ARGLU1: variants seen among roughly 807,000 people sequenced by gnomAD.
ARGLU1 encodes arginine and glutamate rich 1.
Under a neutral mutation model 37.6 loss-of-function variants are expected in ARGLU1, and 9 were observed. The observed-to-expected ratio is 0.24, with a 90% confidence interval of 0.14 to 0.42. The LOEUF (loss-of-function observed/expected upper bound fraction) is 0.42, where lower values mean the gene tolerates loss of function less well. Ranked by LOEUF, ARGLU1 falls within the 10% of genes least tolerant of loss-of-function variation. The pLI, the probability that ARGLU1 is intolerant of heterozygous loss-of-function variation, is 1.00. For synonymous variants in ARGLU1, 166 were observed against 138.5 expected (o/e 1.20, Z -1.39); for missense variants, 211 against 359.2 (o/e 0.59, Z 3.34).
chr13:106,542,632 C>G lies in ARGLU1; in HGVS notation c.*1364G>C, dbSNP rs956707526. ...TTTTCAATTTTTAAGAATAATCAAACTGTCTAAAAAATATTGGGCAAAAAT... is the reference window on the plus strand; with the variant it reads ...TTTTCAATTTTTAAGAATAATCAAAGTGTCTAAAAAATATTGGGCAAAAAT... On this transcript the variant is annotated 3_prime_UTR_variant, in exon 4 of 4. Coordinates refer to ENST00000400198, the MANE Select transcript of ARGLU1 (RefSeq NM_018011.4). 4 of 152,030 alleles carry G rather than the reference C, an allele frequency of 2.6e-5. No homozygotes were observed. The highest frequency in any genetic ancestry group is 5.9e-5 in the Non-Finnish European group (4 of 67,954). 9.4% of individuals were successfully genotyped at this position (152,030 alleles called of 1,614,324 possible).
In ARGLU1 at chr13:106,542,701, T is replaced by C. The variant is rs1266147362; in HGVS notation, c.*1295A>G. The C allele has an allele frequency of 6.6e-6, 1 of 152,040 alleles. No homozygotes were observed. The highest frequency in any genetic ancestry group is 1.5e-5 in the Non-Finnish European group (1 of 67,956). The allele number at this position is 152,040 out of a possible 1,614,324, so 9.4% of individuals were successfully genotyped here. A position where few individuals can be genotyped will look rare whatever the true frequency, so the allele number is the denominator to read the frequency against. Reference sequence around the variant, plus strand: ...TGATGACATGTTTATGCATCTCAGGTAGCATTTTAGATCAATATCCTTTTC... The same window carrying C: ...TGATGACATGTTTATGCATCTCAGGCAGCATTTTAGATCAATATCCTTTTC... On this transcript the variant is annotated 3_prime_UTR_variant, in exon 4 of 4. Transcript: ENST00000400198.
chr13:106,566,682 T>G (rs1566476786), intron 1 of ARGLU1, among the ~76,000 whole-genome samples: 1 of 152,204 alleles, frequency 6.6e-6, no homozygotes, highest in South Asian at 2.1e-4. Flanking sequence ...CCAGAAATAC[T>G]TGAGAGCTGA....
intron 3 of ARGLU1, among the ~76,000 whole-genome samples, chr13:106,556,241 T>C (rs934483266): frequency 1.3e-5 from 2 of 152,242 alleles, no homozygotes. Context: ...GATTCCATTA[T>C]GGCCTTCACA....
chr13:106,566,847 G>A (rs950296602), intron 1 of ARGLU1, among the ~76,000 whole-genome samples: 17 of 152,000 alleles, frequency 1.1e-4, no homozygotes, highest in African/African-American at 3.1e-4. Context: ...TAGAAAGCAA[G>A]TTAAAAAAGC....
intron 3 of ARGLU1, among the ~76,000 whole-genome samples, chr13:106,553,212 T>C (rs774191030): frequency 2.8e-4 from 42 of 152,362 alleles, no homozygotes; most frequent in Non-Finnish European, 3.1e-4. Context: ...TTTTGGCTTA[T>C]TTTTCTGTCT....
chr13:106,560,452 C>T (rs1165412286), intron 1 of ARGLU1, among the ~76,000 whole-genome samples: 1 of 152,184 alleles, frequency 6.6e-6, no homozygotes, highest in Non-Finnish European at 1.5e-5. Flanking sequence ...AAATCCTGCA[C>T]ATTTCATACC....
In ARGLU1 at chr13:106,567,208, T is replaced by C. The variant is rs896386625; in HGVS notation, c.347+365A>G. On this transcript the variant is annotated intron_variant, in intron 1 of 3. Coordinates refer to ENST00000400198, the MANE Select transcript of ARGLU1 (RefSeq NM_018011.4). The surrounding 1 kb of genome is among the most constrained non-coding windows in gnomAD (Gnocchi z 4.3). Reference sequence around the variant, plus strand: ...CAGCAAACGCTCACCACCCTCCACATCTGCAGGCCGGCTCGCTCCCGGCCT... The same window carrying C: ...CAGCAAACGCTCACCACCCTCCACACCTGCAGGCCGGCTCGCTCCCGGCCT... 2.0e-5 allele frequency among the ~76,000 whole-genome samples: 3 copies of C among 151,992 alleles called. No homozygotes were observed. The highest frequency in any genetic ancestry group is 4.4e-5 in the Non-Finnish European group (3 of 68,002).
chr13:106,545,402 T>C (rs1480268447), intron 3 of ARGLU1, among the ~76,000 whole-genome samples: 4 of 152,226 alleles, frequency 2.6e-5, no homozygotes, highest in Non-Finnish European at 5.9e-5. Context: ...TCCATTATTC[T>C]ACTAAAATTT....
At chr13:106,551,261 T>TTA (rs1328455188) in intron 3 of ARGLU1, among the ~76,000 whole-genome samples, 1 of 152,200 alleles carries the variant, frequency 6.6e-6, no homozygotes, top group Non-Finnish European at 1.5e-5. Flanking sequence ...TCTTGCCACT[T>TTA]TACTATAAAC....
At chr13:106,545,180 A>AC (rs2138962342) in intron 3 of ARGLU1, among the ~76,000 whole-genome samples, 1 of 152,324 alleles carries the variant, frequency 6.6e-6, no homozygotes, top group Non-Finnish European at 1.5e-5. Context: ...ACAATGCTAC[A>AC]CATCCTATAA....
At chr13:106,548,955 G>A (rs868402450) in intron 3 of ARGLU1, among the ~76,000 whole-genome samples, 1 of 152,138 alleles carries the variant, frequency 6.6e-6, no homozygotes, top group Non-Finnish European at 1.5e-5. Context: ...GTTTCATCTT[G>A]TTAGCCAGGA....
chr13:106,548,779 G>T lies in ARGLU1; in HGVS notation c.658-4619C>A, dbSNP rs544150428. ...TTTATTTATTTTTAGACAGAGTCTT[G>T]CTCTTGTTGCCCAGGCTGGAGTGCA... On this transcript the variant is annotated intron_variant, in intron 3 of 3. Transcript: ENST00000400198. Among the ~76,000 whole-genome samples the T allele has an allele frequency of 7.2e-5, 11 of 152,240 alleles. No individual in the cohort carries two copies. In the East Asian group the frequency reaches 2.1e-3, roughly 29 times the overall value.
At chr13:106,564,192 A>T (rs1411156711) in intron 1 of ARGLU1, among the ~76,000 whole-genome samples, 1 of 152,230 alleles carries the variant, frequency 6.6e-6, no homozygotes, top group East Asian at 1.9e-4. Flanking sequence ...CCTTCTCAGC[A>T]TTAAGATGAC....
At chr13:106,559,100 C>CAA in intron 2 of ARGLU1, 1 of 1,246,396 alleles carries the variant, frequency 8.0e-7, no homozygotes, top group Non-Finnish European at 1.0e-6. Flanking sequence ...TTAACCTTTT[C>CAA]CCTTTACCAC....
At chr13:106,548,312 A>G (rs1480718280) in intron 3 of ARGLU1, among the ~76,000 whole-genome samples, 3 of 152,076 alleles carry the variant, frequency 2.0e-5, no homozygotes, top group Admixed American at 2.0e-4. Context: ...TTTGCTAGGT[A>G]TTTTCCTAAA....
chr13:106,550,952 C>G (rs1296457240), intron 3 of ARGLU1, among the ~76,000 whole-genome samples: 1 of 152,122 alleles, frequency 6.6e-6, no homozygotes, highest in East Asian at 1.9e-4. Flanking sequence ...ACACAACATT[C>G]TCAGAAACTT....
intron 3 of ARGLU1, among the ~76,000 whole-genome samples, chr13:106,544,939 T>C (rs1333730786): frequency 6.6e-6 from 1 of 152,172 alleles, no homozygotes; most frequent in East Asian, 1.9e-4. Context: ...TTCAACTCCT[T>C]CCATGTCAAG....
At position 106,543,828 on chromosome 13, in the gene ARGLU1, A is replaced by G. The variant is rs1459105654; in HGVS notation, c.*168T>C. 3 of 298,652 alleles carry G rather than the reference A, an allele frequency of 1.0e-5. No individual in the cohort carries two copies. Among genetic ancestry groups the G allele is most frequent in the East Asian group, 6.4e-5 (1 of 15,570 alleles). The allele number at this position is 298,652 out of a possible 1,614,324, so 18.5% of individuals were successfully genotyped here. On this transcript the variant is annotated 3_prime_UTR_variant, in exon 4 of 4. Coordinates refer to ENST00000400198, the MANE Select transcript of ARGLU1 (RefSeq NM_018011.4). ...TAAGGATTTGACTTAGTGGAAGGAA[A>G]AAAAAAAAAAAAAAGGGAATTGCAG...
Position 106,567,546 on chromosome 13 carries a change from C to A in ARGLU1, c.347+27G>T, listed in dbSNP as rs1881008380. 1 of 1,526,434 alleles carries A rather than the reference C, an allele frequency of 6.6e-7. No homozygotes were observed. The highest frequency in any genetic ancestry group is 9.1e-7 in the Non-Finnish European group (1 of 1,100,976). 94.6% of individuals were successfully genotyped at this position (1,526,434 alleles called of 1,614,324 possible). ...CCCCGCGCCCTGCTCTCCGCACGCC[C>A]CGGTCCCTCCCCGCGCGGGCACTCA... On this transcript the variant is annotated intron_variant, in intron 1 of 3. Transcript: ENST00000400198. This position sits in a 1 kb window ranked among gnomAD's most constrained non-coding sequence, Gnocchi z 4.3.
Sources: gnomAD v4.1 joint callset for allele counts (sites outside exome capture counted in the v4.1 genomes callset) on GRCh38, gnomAD v4.1.1 for gene constraint, Gnocchi (gnomAD v3.1) non-coding constraint, MANE v1.5 for transcripts, NCBI Gene and HGNC (gene_info 2026-07-23, HGNC 2026-07-21) for gene names.